The following ABCA5 variants were observed in gnomAD, a reference collection of about 807,000 sequenced individuals.
The protein encoded by ABCA5 is ATP binding cassette subfamily A member 5, also known as cholesterol transporter ABCA5.
A neutral mutation model predicts 206.0 loss-of-function variants in ABCA5; 163 were observed. The ratio of observed to expected loss-of-function variants is 0.79; its 90% CI spans 0.70 to 0.90. ABCA5 has a LOEUF of 0.90. Ranked by LOEUF, ABCA5 falls within the 40% of genes least tolerant of loss-of-function variation. The pLI, the probability that ABCA5 is intolerant of heterozygous loss-of-function variation, is 0.00. For synonymous variants in ABCA5, 609 were observed against 613.8 expected (o/e 0.99, Z 0.11); for missense variants, 1,859 against 1,912.9 (o/e 0.97, Z 0.53).
At chr17:69,294,546 C>A in intron 11 of ABCA5, 109 bp downstream of exon 11, 1 of 999,844 alleles carries the variant, frequency 1.0e-6, no homozygotes, top group Non-Finnish European at 1.5e-6. Context: ...AAAATAAAAG[C>A]AAGACAGAAA....
intron 23 of ABCA5, among the ~76,000 whole-genome samples, chr17:69,266,571 A>AATAT (rs201203170): frequency 1.4e-5 from 2 of 146,538 alleles, no homozygotes; most frequent in African/African-American, 5.0e-5. Context: ...GTATAATAAA[A>AATAT]ATATATATAT....
chr17:69,277,804 T>A lies in ABCA5; in HGVS notation c.2431A>T (p.Met811Leu), dbSNP rs547136283. The change falls in exon 19 of 39, where the codon ATG (methionine) becomes TTG (leucine). Residue 811 changes from methionine (M) to leucine (L), a missense_variant. Physicochemically the swap from Met to Leu is conservative, Grantham distance 15. Coordinates refer to ENST00000392676, the MANE Select transcript of ABCA5 (RefSeq NM_172232.4). ...ATTTCATCAAAAGATTTTGAATCCA[T>A]TTCTTCCTCCAGTGGCTGCTGAGTA... ...VFTQQPLEEEMDSKSFDEMEQ... is the reference protein window; with the variant it reads ...VFTQQPLEEELDSKSFDEMEQ... The A allele has an allele frequency of 1.3e-5, 20 of 1,578,332 alleles. No homozygotes were observed. The highest frequency in any genetic ancestry group is 1.5e-5 in the Non-Finnish European group (18 of 1,165,566).
intron 18 of ABCA5, among the ~76,000 whole-genome samples, chr17:69,278,835 AC>A (rs1290942094): frequency 4.0e-5 from 6 of 151,790 alleles, no homozygotes; most frequent in Non-Finnish European, 4.4e-5. Context: ...AAATTCAACA[AC>A]CCTTCATGCT....
intron 26 of ABCA5, 41 bp downstream of exon 26, chr17:69,261,079 ATTTAT>A (rs1188543932): frequency 6.9e-7 from 1 of 1,457,034 alleles, no homozygotes; most frequent in African/African-American, 1.4e-5. Flanking sequence ...ATTAGACCAT[ATTTAT>A]TTTATGTTTT....
At chr17:69,318,633 A>C (rs2075837795) in intron 1 of ABCA5, 1 of 337,584 alleles carries the variant, frequency 3.0e-6, no homozygotes, top group Admixed American at 4.7e-5. Context: ...GAGTAAATTA[A>C]AAACAGCAAA....
At chr17:69,255,403 CATAA>C (rs1358191965) in intron 31 of ABCA5, 136 bp downstream of exon 31, 1 of 514,506 alleles carries the variant, frequency 1.9e-6, no homozygotes, top group African/African-American at 2.0e-5. Context: ...CCCAAAAGAT[CATAA>C]TTTGATCAGG....
intron 24 of ABCA5, 136 bp from the exon 25 acceptor site, chr17:69,261,884 T>G (rs928787813): frequency 2.5e-6 from 1 of 401,484 alleles, no homozygotes; most frequent in Non-Finnish European, 4.5e-6. Flanking sequence ...CTACTTGTAG[T>G]TTTTTGTACC....
chr17:69,266,957 C>T (rs1455026805), intron 23 of ABCA5, among the ~76,000 whole-genome samples: 1 of 151,960 alleles, frequency 6.6e-6, no homozygotes, highest in Non-Finnish European at 1.5e-5. Flanking sequence ...TCACTGCAAT[C>T]TCCGCCTCTC....
intron 8 of ABCA5, among the ~76,000 whole-genome samples, chr17:69,301,752 AGAT>A (rs1175073443): frequency 6.6e-6 from 1 of 152,196 alleles, no homozygotes; most frequent in Non-Finnish European, 1.5e-5. Flanking sequence ...TATTCATAGT[AGAT>A]ATTTGTGATA....
chr17:69,267,629 A>G (rs1339067559), intron 23 of ABCA5, among the ~76,000 whole-genome samples: 1 of 152,196 alleles, frequency 6.6e-6, no homozygotes, highest in African/African-American at 2.4e-5. Context: ...CAATTTAAAC[A>G]AGTTGAGTCA....
intron 1 of ABCA5, among the ~76,000 whole-genome samples, chr17:69,320,278 G>A (rs558653502): frequency 3.9e-5 from 6 of 152,092 alleles, no homozygotes; most frequent in Non-Finnish European, 1.5e-5. Context: ...ACTAAAAGAT[G>A]GGGTGAACTT....
intron 9 of ABCA5, among the ~76,000 whole-genome samples, chr17:69,298,439 T>A (rs763808026): frequency 1.3e-5 from 2 of 152,128 alleles, no homozygotes; most frequent in Non-Finnish European, 2.9e-5. Context: ...ACACTCCTCA[T>A]TTTTTTCAAA....
In ABCA5 at chr17:69,306,770, ATT is replaced by A; in HGVS notation, c.741_742del (p.Lys247AsnfsTer12). ...TCCCATTATCTTTAAAAATTCTTTTATTTTTTTTTCTTTTTCTGCTACGATAT... is the reference window on the plus strand; with the variant it reads ...TCCCATTATCTTTAAAAATTCTTTTATTTTTTTCTTTTTCTGCTACGATAT... On this transcript the variant is annotated frameshift_variant, in exon 6 of 39. Coordinates refer to ENST00000392676, the MANE Select transcript of ABCA5 (RefSeq NM_172232.4). LOFTEE classifies it high-confidence loss of function. 1.3e-6 allele frequency: 2 copies of A among 1,553,660 alleles called. No individual in the cohort carries two copies. The highest frequency in any genetic ancestry group is 1.7e-6 in the Non-Finnish European group (2 of 1,147,068).
At position 69,285,768 on chromosome 17, in the gene ABCA5, G is replaced by T. The variant is rs191973370; in HGVS notation, c.2272+130C>A. 16 of 998,594 alleles carry T rather than the reference G, an allele frequency of 1.6e-5. No individual in the cohort carries two copies. In the African/African-American group the frequency reaches 2.4e-4, roughly 15 times the overall value. The allele number at this position is 998,594 out of a possible 1,614,324, so 61.9% of individuals were successfully genotyped here. On this transcript the variant is annotated intron_variant, in intron 17 of 38. Transcript: ENST00000392676. ...TCAAAAACAAAATAAAGCAGAAACAGAATATTAACTCTGGCCACCTGGGAG... is the reference window on the plus strand; with the variant it reads ...TCAAAAACAAAATAAAGCAGAAACATAATATTAACTCTGGCCACCTGGGAG...
chr17:69,283,838 A>C (rs531586), intron 18 of ABCA5, 115 bp downstream of exon 18: 249,263 of 1,092,636 alleles, frequency 0.23, 32,644 homozygotes, highest in East Asian at 0.57. Context: ...TTACTTATTT[A>C]CTTATTTCTA....
rs767158680 is a variant in ABCA5 at position 69,255,726 on chromosome 17, T to A, written c.3976+7A>T. Reference sequence around the variant, plus strand: ...AAAAGTTATGTAAGGAAAAATTAAATACCAGCCTTTTTTCACACAGAAAGA... The same window carrying A: ...AAAAGTTATGTAAGGAAAAATTAAAAACCAGCCTTTTTTCACACAGAAAGA... On this transcript the variant is annotated splice_region_variant and intron_variant, in intron 30 of 38. Coordinates refer to ENST00000392676, the MANE Select transcript of ABCA5 (RefSeq NM_172232.4). 13 of 1,581,986 alleles carry A rather than the reference T, an allele frequency of 8.2e-6. No homozygotes were observed. Among genetic ancestry groups the A allele is most frequent in the Non-Finnish European group, 6.8e-6 (8 of 1,171,464 alleles).
chr17:69,287,473 AT>A (rs992943441), intron 15 of ABCA5, 139 bp downstream of exon 15: 9 of 1,215,500 alleles, frequency 7.4e-6, no homozygotes, highest in South Asian at 4.1e-5. Context: ...TCATTTTAAA[AT>A]TTTTTAGAAC....
At chr17:69,307,022 C>T (rs1452323890) in intron 5 of ABCA5, 68 bp from the exon 6 acceptor site, 6 of 1,115,970 alleles carry the variant, frequency 5.4e-6, no homozygotes, top group Non-Finnish European at 6.1e-6. Context: ...TAAAACGGGA[C>T]AGCTATATCC....
At chr17:69,311,839 T>C (rs1449911342) in intron 3 of ABCA5, among the ~76,000 whole-genome samples, 3 of 152,172 alleles carry the variant, frequency 2.0e-5, no homozygotes, top group African/African-American at 7.2e-5. Flanking sequence ...GAATTACCAA[T>C]GAATTTCATT....
Sources: allele counts gnomAD v4.1 joint callset (sites outside exome capture counted in the v4.1 genomes callset), GRCh38; gene constraint gnomAD v4.1.1; transcripts MANE v1.5; gene names NCBI Gene and HGNC (gene_info 2026-07-23, HGNC 2026-07-21).